CTNNA2: variants seen among roughly 807,000 people sequenced by gnomAD.
The protein encoded by CTNNA2 is catenin alpha 2.
CTNNA2 carries 42 observed loss-of-function variants against 101.0 expected under a neutral mutation model. The ratio of observed to expected loss-of-function variants is 0.42; its 90% CI spans 0.32 to 0.54. The LOEUF is 0.54. Among genes scored for constraint, CTNNA2 ranks in the 20% least tolerant of loss-of-function variants. CTNNA2 has a pLI of 0.14. For missense variants in CTNNA2, 871 were observed against 1,223.1 expected, an observed-to-expected ratio of 0.71 and a Z score of 4.29; for synonymous variants, 450 against 456.4, an observed-to-expected ratio of 0.99 and a Z score of 0.18.
chr2:80,288,841 G>A, intron 7 of CTNNA2: 1 of 152,150 alleles, frequency 6.6e-6, no homozygotes, highest in East Asian at 1.9e-4. Context: ...TTTGGGGTTG[G>A]TGGCCCCGGA....
chr2:79,582,992 GTGTTT>G (rs1676243311), intron 1 of CTNNA2, among the ~76,000 whole-genome samples: 1 of 152,020 alleles, frequency 6.6e-6, no homozygotes, highest in Admixed American at 6.6e-5. Flanking sequence ...GTAATGTGTT[GTGTTT>G]TGAGTCTAGC....
At chr2:79,807,676 C>T (rs1348431533) in intron 3 of CTNNA2, among the ~76,000 whole-genome samples, 2 of 152,130 alleles carry the variant, frequency 1.3e-5, no homozygotes, top group African/African-American at 4.8e-5. Flanking sequence ...ATAGCAGTTA[C>T]ATTACACATT....
intron 7 of CTNNA2, among the ~76,000 whole-genome samples, chr2:80,109,080 GA>G (rs1267883968): frequency 6.6e-6 from 1 of 152,180 alleles, no homozygotes; most frequent in East Asian, 1.9e-4. Context: ...TTTTGATGAT[GA>G]TAAAGTCCAA....
At chr2:80,463,591 G>T (rs1456369620) in intron 9 of CTNNA2, among the ~76,000 whole-genome samples, 1 of 152,148 alleles carries the variant, frequency 6.6e-6, no homozygotes, top group Non-Finnish European at 1.5e-5. Flanking sequence ...GTCTCCACGG[G>T]TGGATACTCA....
intron 7 of CTNNA2, among the ~76,000 whole-genome samples, chr2:80,375,032 G>A (rs1675809874): frequency 1.3e-5 from 2 of 152,102 alleles, no homozygotes; most frequent in African/African-American, 2.4e-5. Flanking sequence ...TTTGCAGCCT[G>A]CAGATTCTTC....
chr2:79,208,830 A>C (rs998111580), intron 2 of CTNNA2, among the ~76,000 whole-genome samples: 3 of 152,198 alleles, frequency 2.0e-5, no homozygotes, highest in African/African-American at 7.2e-5. Flanking sequence ...AGAGAAGTGC[A>C]AATATGGATT....
intron 1 of CTNNA2, among the ~76,000 whole-genome samples, chr2:79,525,132 G>A (rs754486205): frequency 8.6e-5 from 13 of 151,784 alleles, no homozygotes; most frequent in Non-Finnish European, 1.8e-4. Flanking sequence ...GTGCTAATAC[G>A]AGACCTTCAT....
At chr2:80,071,683 C>A (rs1050298000) in intron 7 of CTNNA2, among the ~76,000 whole-genome samples, 1 of 152,014 alleles carries the variant, frequency 6.6e-6, no homozygotes, top group South Asian at 2.1e-4. Context: ...CTTAGTGTGG[C>A]GGAGGGGAGA....
At position 80,250,480 on chromosome 2, in the gene CTNNA2, A is replaced by T. The variant is rs932402582; in HGVS notation, c.1057-142731A>T. Among the ~76,000 whole-genome samples the T allele has an allele frequency of 3.3e-5, 5 of 152,150 alleles. No homozygotes were observed. In the South Asian group the frequency reaches 8.3e-4, roughly 25 times the overall value. Reference sequence around the variant, plus strand: ...AGTCCAGTGAAGACCAACATTTTAGAGACCTGTGATAGTGAATGAGAAAAA... The same window carrying T: ...AGTCCAGTGAAGACCAACATTTTAGTGACCTGTGATAGTGAATGAGAAAAA... On this transcript the variant is annotated intron_variant, in intron 7 of 18. Transcript: ENST00000402739.
chr2:79,961,752 G>A (rs571666938), intron 7 of CTNNA2, among the ~76,000 whole-genome samples: 175 of 151,092 alleles, frequency 1.2e-3, no homozygotes, highest in Non-Finnish European at 1.7e-3. Context: ...AACCCGGGGG[G>A]CAGAGCCTGC....
intron 4 of CTNNA2, among the ~76,000 whole-genome samples, chr2:79,490,930 A>T (rs1671202151): frequency 1.3e-5 from 2 of 152,174 alleles, no homozygotes; most frequent in South Asian, 2.1e-4. Context: ...CCATTGTGAT[A>T]TGAGGATATT....
chr2:80,013,293 A>G (rs1216029886), intron 7 of CTNNA2, among the ~76,000 whole-genome samples: 1 of 152,226 alleles, frequency 6.6e-6, no homozygotes, highest in Non-Finnish European at 1.5e-5. Context: ...TATTATTTCC[A>G]TAAAGGGACA....
chr2:80,060,836 T>C (rs538184663), intron 7 of CTNNA2, among the ~76,000 whole-genome samples: 2 of 152,278 alleles, frequency 1.3e-5, no homozygotes, highest in East Asian at 3.9e-4. Context: ...CCACTGACTG[T>C]TCACAGCTGA....
intron 3 of CTNNA2, among the ~76,000 whole-genome samples, chr2:79,348,083 A>G (rs1283503076): frequency 6.6e-6 from 1 of 152,178 alleles, no homozygotes; most frequent in African/African-American, 2.4e-5. Context: ...TTTAAAGAGC[A>G]TAAAATGTCA....
chr2:79,751,612 A>AAAAG (rs1240127753), intron 3 of CTNNA2, among the ~76,000 whole-genome samples: 1 of 146,912 alleles, frequency 6.8e-6, no homozygotes, highest in East Asian at 1.9e-4. Context: ...AAAAAAAAAA[A>AAAAG]AAAGAAAGAA....
chr2:80,121,051 C>CA (rs1701804537), intron 7 of CTNNA2, among the ~76,000 whole-genome samples: 1 of 152,112 alleles, frequency 6.6e-6, no homozygotes, highest in Non-Finnish European at 1.5e-5. Context: ...TTTGCGTTTA[C>CA]AAAAAATGCT....
chr2:79,865,534 T>C (rs1682006157), intron 4 of CTNNA2, among the ~76,000 whole-genome samples: 1 of 151,512 alleles, frequency 6.6e-6, no homozygotes, highest in South Asian at 2.1e-4. Flanking sequence ...ATGATAATCA[T>C]AACAGCAACG....
At chr2:79,958,365 T>G (rs1478817509) in intron 7 of CTNNA2, among the ~76,000 whole-genome samples, 1 of 152,176 alleles carries the variant, frequency 6.6e-6, no homozygotes, top group Non-Finnish European at 1.5e-5. Flanking sequence ...TGTAATTTAG[T>G]TAAGGATCTG....
intron 7 of CTNNA2, among the ~76,000 whole-genome samples, chr2:80,053,139 G>A (rs1044978786): frequency 2.6e-5 from 4 of 152,080 alleles, no homozygotes; most frequent in Admixed American, 2.6e-4. Flanking sequence ...CGGAAGTTAG[G>A]ACTTGTCTTT....
Sources: gnomAD v4.1 joint callset for allele counts (sites outside exome capture counted in the v4.1 genomes callset) on GRCh38, gnomAD v4.1.1 for gene constraint, MANE v1.5 for transcripts, NCBI Gene and HGNC (gene_info 2026-07-23, HGNC 2026-07-21) for gene names.